LTBP2: variants seen among roughly 807,000 people sequenced by gnomAD.
LTBP2 encodes the protein latent-transforming growth factor beta-binding protein 2.
A neutral mutation model predicts 210.6 loss-of-function variants in LTBP2; 103 were observed. The ratio of observed to expected loss-of-function variants is 0.49; its 90% CI spans 0.42 to 0.58. LTBP2 has a LOEUF of 0.58. LTBP2 is among the 20% of genes least tolerant of loss of function. The pLI is 0.00. For missense variants in LTBP2, 2,313 were observed against 2,494.5 expected (o/e 0.93, Z 1.55); for synonymous variants, 1,007 against 1,015.0 (o/e 0.99, Z 0.15).
At chr14:74,503,160 C>A in intron 33 of LTBP2, 59 bp downstream of exon 33, 1 of 1,598,966 alleles carries the variant, frequency 6.3e-7, no homozygotes, top group Non-Finnish European at 8.5e-7. Context: ...AAGGTGAGGG[C>A]ATCCCCCTCC....
At chr14:74,559,670 A>T (rs963794994) in intron 3 of LTBP2, 3 of 151,906 alleles carry the variant, frequency 2.0e-5, no homozygotes, top group African/African-American at 7.3e-5. Context: ...GAGTTTGCAA[A>T]CCCCACTGTC....
rs1341846160 is a variant in LTBP2 at position 74,500,653 on chromosome 14, C to T, written c.*231G>A. ...GAAAGGTGGTGGACAGGGCCTCATG[C>T]GGTGGCTGAAGCATTAAAGCGATTG... On this transcript the variant is annotated 3_prime_UTR_variant, in exon 36 of 36. Coordinates refer to ENST00000261978, the MANE Select transcript of LTBP2 (RefSeq NM_000428.3). 3.0e-5 allele frequency: 18 copies of T among 605,994 alleles called. No homozygotes were observed. Among genetic ancestry groups the T allele is most frequent in the African/African-American group, 5.5e-5 (3 of 54,634 alleles). The allele number at this position is 605,994 out of a possible 1,614,324, so 37.5% of individuals were successfully genotyped here.
Position 74,499,213 on chromosome 14 carries a change from G to T in LTBP2, c.*1671C>A. ...AAGGATCTCAGTATGGTTTTAAGTT[G>T]CATTTCTTTTATTATGAGTGAAAGA... is the stretch of plus-strand genomic sequence containing the variant. On this transcript the variant is annotated 3_prime_UTR_variant, in exon 36 of 36. Coordinates refer to ENST00000261978, the MANE Select transcript of LTBP2 (RefSeq NM_000428.3). 1 of 215,014 alleles carries T rather than the reference G, an allele frequency of 4.7e-6. No homozygotes were observed. The allele number at this position is 215,014 out of a possible 1,614,324, so 13.3% of individuals were successfully genotyped here.
intron 4 of LTBP2, among the ~76,000 whole-genome samples, chr14:74,553,643 T>C (rs548407161): frequency 6.6e-6 from 1 of 152,200 alleles, no homozygotes; most frequent in South Asian, 2.1e-4. Context: ...CAGAAGACTT[T>C]TAAGCAAGAC....
intron 15 of LTBP2, 33 bp from the exon 16 acceptor site, chr14:74,522,951 C>A (rs768435426): frequency 6.2e-7 from 1 of 1,603,324 alleles, no homozygotes; most frequent in East Asian, 2.2e-5. Flanking sequence ...GAGGTTATGG[C>A]AGGGTGGGTG....
chr14:74,523,077 A>C (rs1407205308), intron 15 of LTBP2, among the ~76,000 whole-genome samples, 159 bp from the exon 16 acceptor site: 1 of 152,130 alleles, frequency 6.6e-6, no homozygotes, highest in Admixed American at 6.5e-5. Flanking sequence ...TTGGCCTTGC[A>C]TAAGACCCTA....
At chr14:74,564,073 A>T (rs12890719) in intron 3 of LTBP2, among the ~76,000 whole-genome samples, 92 of 28,932 alleles carry the variant, frequency 3.2e-3, no homozygotes, top group African/African-American at 0.012. Context: ...ATATATATAT[A>T]TTTATATATA....
At chr14:74,550,976 A>G in intron 7 of LTBP2, 88 bp downstream of exon 7, 1 of 1,514,382 alleles carries the variant, frequency 6.6e-7, no homozygotes, top group Non-Finnish European at 9.1e-7. Flanking sequence ...CCATAAGAAC[A>G]AAGAGGACAG....
chr14:74,599,139 C>T (rs948407470), intron 2 of LTBP2, among the ~76,000 whole-genome samples: 6 of 152,234 alleles, frequency 3.9e-5, no homozygotes, highest in African/African-American at 7.2e-5. Flanking sequence ...ATTTTATGGA[C>T]GAGGCCCTGT....
intron 2 of LTBP2, among the ~76,000 whole-genome samples, chr14:74,590,678 C>CT (rs2088270301): frequency 6.6e-6 from 1 of 152,136 alleles, no homozygotes; most frequent in Non-Finnish European, 1.5e-5. Context: ...GAAATAATGT[C>CT]TTTTTGCAGC....
intron 2 of LTBP2, among the ~76,000 whole-genome samples, chr14:74,597,327 G>A (rs1468927116): frequency 1.3e-5 from 2 of 152,184 alleles, no homozygotes; most frequent in African/African-American, 2.4e-5. Flanking sequence ...TCCCTCTTTG[G>A]GGTGAGGGAT....
chr14:74,590,906 G>A (rs975970372), intron 2 of LTBP2, among the ~76,000 whole-genome samples: 4 of 152,076 alleles, frequency 2.6e-5, no homozygotes, highest in Non-Finnish European at 5.9e-5. Context: ...ACACTACTCC[G>A]GTGATGGGTG....
At chr14:74,555,467 C>T (rs2087716327) in intron 4 of LTBP2, 36 bp downstream of exon 4, 1 of 1,605,442 alleles carries the variant, frequency 6.2e-7, no homozygotes, top group Admixed American at 1.7e-5. Context: ...TTCTAGAGGC[C>T]CTGCTCTTCT....
chr14:74,593,006 T>A (rs1213610030), intron 2 of LTBP2, among the ~76,000 whole-genome samples: 3 of 152,156 alleles, frequency 2.0e-5, no homozygotes, highest in Admixed American at 2.0e-4. Context: ...AAGTCCCAGC[T>A]TTGGGTGTTC....
chr14:74,503,432 A>G (rs749148574), intron 32 of LTBP2, 37 bp downstream of exon 32: 9 of 1,609,196 alleles, frequency 5.6e-6, no homozygotes, highest in Admixed American at 5.0e-5. Flanking sequence ...CAGCCCAGGT[A>G]CCCTTCTCCT....
chr14:74,511,941 T>C (rs1357485984), intron 18 of LTBP2, among the ~76,000 whole-genome samples: 2 of 152,144 alleles, frequency 1.3e-5, no homozygotes, highest in Non-Finnish European at 2.9e-5. Flanking sequence ...CTGTCAGACA[T>C]TTCTTCCAGC....
intron 3 of LTBP2, among the ~76,000 whole-genome samples, chr14:74,584,033 G>A (rs1344232456): frequency 2.0e-5 from 3 of 152,196 alleles, no homozygotes; most frequent in African/African-American, 7.2e-5. Flanking sequence ...TAGGCTAACT[G>A]TAGTTTGGAC....
intron 3 of LTBP2, among the ~76,000 whole-genome samples, chr14:74,582,978 T>C (rs2088157479): frequency 1.3e-5 from 2 of 152,232 alleles, no homozygotes; most frequent in Admixed American, 1.3e-4. Flanking sequence ...GCAGGTACTC[T>C]GCCCAGCCTT....
chr14:74,503,324 A>G lies in LTBP2; in HGVS notation c.4783T>C (p.Cys1595Arg). 6.2e-7 allele frequency: 1 copy of G among 1,613,980 alleles called. No individual in the cohort carries two copies. The highest frequency in any genetic ancestry group is 8.5e-7 in the Non-Finnish European group (1 of 1,180,022). ...CGGTGCCCACGCAGGGGTTCGCTGC[A>G]CACATCATTGGTGACTTTTTTCCAG... ...ICWKKVTNDV[C>R]SEPLRGHRTT... Residue 1595 changes from cysteine (C) to arginine (R), a missense_variant, in exon 33 of 36, where the codon TGC becomes CGC. Cys to Arg is a radical substitution (Grantham distance 180). This residue lies in a region of LTBP2 where 443 missense variants were observed against 501.4 expected (regional missense o/e 0.88). Coordinates refer to ENST00000261978, the MANE Select transcript of LTBP2 (RefSeq NM_000428.3).
Sources: allele counts gnomAD v4.1 joint callset (sites outside exome capture counted in the v4.1 genomes callset), GRCh38; gene constraint gnomAD v4.1.1; regional missense constraint gnomAD v4.1.1; transcripts MANE v1.5; gene names NCBI Gene and HGNC (gene_info 2026-07-23, HGNC 2026-07-21).